The following MTFR1 variants were observed in gnomAD, a reference collection of about 807,000 sequenced individuals.
MTFR1 encodes mitochondrial fission regulator 1.
A neutral mutation model predicts 38.8 loss-of-function variants in MTFR1; 28 were observed. That is an observed-to-expected ratio of 0.72 (90% CI 0.53 to 0.99). MTFR1 has a LOEUF of 0.99. Among genes scored for constraint, MTFR1 ranks in the 50% least tolerant of loss-of-function variants. The pLI is 0.00. For synonymous variants in MTFR1, 145 were observed against 137.0 expected, an observed-to-expected ratio of 1.06 and a Z score of -0.41; for missense variants, 358 against 395.5, an observed-to-expected ratio of 0.91 and a Z score of 0.81.
At chr8:65,721,776 C>T (rs1354424077) in intron 3 of MTFR1, 7 of 149,160 alleles carry the variant, frequency 4.7e-5, no homozygotes, top group African/African-American at 1.2e-4. Flanking sequence ...CACCTGTCTT[C>T]GATTCAATTC....
intron 3 of MTFR1, among the ~76,000 whole-genome samples, chr8:65,739,829 G>A (rs761982759): frequency 7.9e-5 from 12 of 152,056 alleles, no homozygotes; most frequent in Non-Finnish European, 1.8e-4. Context: ...CCAAAGAACT[G>A]AAAACTAGAC....
At chr8:65,714,074 A>G (rs2129061449), downstream of MTFR1, among the ~76,000 whole-genome samples, 1 of 150,278 alleles carries the variant, frequency 6.7e-6, no homozygotes, top group African/African-American at 2.5e-5. Flanking sequence ...TAAACAACCC[A>G]ACACTACTGA....
rs1491461062 is a variant in MTFR1 at position 65,710,466 on chromosome 8, CAT to C, written c.*1425_*1426del. ...GAAACGTATTTTGACCTAAAAGAAACATATTTTTGTATCAGTATTGAATTTTG... is the reference window on the plus strand; with the variant it reads ...GAAACGTATTTTGACCTAAAAGAAACATTTTTGTATCAGTATTGAATTTTG... On this transcript the variant is annotated 3_prime_UTR_variant, in exon 8 of 8. Coordinates refer to ENST00000262146, the MANE Select transcript of MTFR1 (RefSeq NM_014637.4). 1 of 152,518 alleles carries C rather than the reference CAT, an allele frequency of 6.6e-6. No individual in the cohort carries two copies. Among genetic ancestry groups the C allele is most frequent in the Non-Finnish European group, 1.5e-5 (1 of 67,996 alleles). 9.4% of individuals were successfully genotyped at this position (152,518 alleles called of 1,614,324 possible). A position where few individuals can be genotyped will look rare whatever the true frequency, so the allele number is the denominator to read the frequency against.
At chr8:65,661,761 C>A (rs888269193) in intron 1 of MTFR1, among the ~76,000 whole-genome samples, 2 of 152,124 alleles carry the variant, frequency 1.3e-5, no homozygotes, top group East Asian at 3.9e-4. Flanking sequence ...GTCAGGAGTT[C>A]AAGACCAGCC....
chr8:65,689,189 A>G (rs1805196508), intron 3 of MTFR1, among the ~76,000 whole-genome samples: 1 of 152,226 alleles, frequency 6.6e-6, no homozygotes, highest in Admixed American at 6.5e-5. Flanking sequence ...GCATTTGGCT[A>G]TAAACAAATG....
intron 3 of MTFR1, among the ~76,000 whole-genome samples, chr8:65,730,177 T>C (rs375216469): frequency 0.21 from 21,980 of 106,922 alleles, 3,702 homozygotes; most frequent in African/African-American, 0.32. Context: ...ACTTCTTTTT[T>C]TTTTTTTTTT....
intron 3 of MTFR1, among the ~76,000 whole-genome samples, chr8:65,755,095 A>G (rs558373361): frequency 1.9e-3 from 267 of 142,476 alleles, no homozygotes; most frequent in Non-Finnish European, 2.3e-3. Flanking sequence ...GTTTCGGCTC[A>G]CTGTAACGTC....
At chr8:65,666,997 A>G (rs1022252) in intron 1 of MTFR1, among the ~76,000 whole-genome samples, 133,132 of 152,236 alleles carry the variant, frequency 0.87, 58,668 homozygotes, top group African/African-American at 0.97. Context: ...TTTTCCGGCC[A>G]GACGCGGTGG....
intron 3 of MTFR1, among the ~76,000 whole-genome samples, chr8:65,766,456 T>C (rs913777119): frequency 6.6e-6 from 1 of 152,218 alleles, no homozygotes; most frequent in African/African-American, 2.4e-5. Flanking sequence ...GTTATCTTTA[T>C]GGAGTTGAAT....
At chr8:65,767,234 T>G (rs1175269517) in intron 3 of MTFR1, among the ~76,000 whole-genome samples, 2 of 152,164 alleles carry the variant, frequency 1.3e-5, no homozygotes, top group Non-Finnish European at 2.9e-5. Context: ...CCTCAGATTT[T>G]TGTTACGTAA....
At chr8:65,697,171 G>A in intron 4 of MTFR1, among the ~76,000 whole-genome samples, 1 of 148,194 alleles carries the variant, frequency 6.7e-6, no homozygotes, top group East Asian at 2.0e-4. Flanking sequence ...TTTTAGTAGA[G>A]ACGGAGTTTC....
intron 7 of MTFR1, 174 bp downstream of exon 7, chr8:65,708,185 C>A: frequency 3.1e-6 from 4 of 1,275,558 alleles, no homozygotes; most frequent in South Asian, 1.3e-5. Context: ...AGGATGACAT[C>A]TTTGCTTAGC....
intron 3 of MTFR1, among the ~76,000 whole-genome samples, chr8:65,748,905 T>C (rs1328291459): frequency 6.6e-6 from 1 of 152,216 alleles, no homozygotes; most frequent in Non-Finnish European, 1.5e-5. Flanking sequence ...GGTATGCTAC[T>C]AGTAATTATC....
At chr8:65,752,370 A>G (rs1367760966) in intron 3 of MTFR1, among the ~76,000 whole-genome samples, 1 of 152,188 alleles carries the variant, frequency 6.6e-6, no homozygotes, top group Non-Finnish European at 1.5e-5. Flanking sequence ...ATTATCTCAC[A>G]GCAATATATT....
intron 3 of MTFR1, among the ~76,000 whole-genome samples, chr8:65,742,521 A>G (rs1388620559): frequency 6.6e-6 from 1 of 152,206 alleles, no homozygotes; most frequent in African/African-American, 2.4e-5. Flanking sequence ...TCTTCCCCCA[A>G]TATCAACTGG....
chr8:65,657,126 G>GC (rs1420830538), intron 1 of MTFR1, among the ~76,000 whole-genome samples: 5 of 151,042 alleles, frequency 3.3e-5, no homozygotes, highest in Admixed American at 6.6e-5. Context: ...TGATTCTCCT[G>GC]CCTCAGCCTC....
intron 3 of MTFR1, among the ~76,000 whole-genome samples, chr8:65,768,422 A>T (rs1211287101): frequency 6.6e-6 from 1 of 151,992 alleles, no homozygotes; most frequent in African/African-American, 2.4e-5. Flanking sequence ...GTCTCAGGAG[A>T]TCTCATGGTT....
chr8:65,691,683 T>C (rs1326463206), intron 3 of MTFR1, among the ~76,000 whole-genome samples: 1 of 152,136 alleles, frequency 6.6e-6, no homozygotes, highest in Non-Finnish European at 1.5e-5. Flanking sequence ...CGAGTCTTGC[T>C]CTGTCGCCCA....
At chr8:65,777,267 C>CG in the MTFR1 span, among the ~76,000 whole-genome samples, 6 of 150,378 alleles carry the variant, frequency 4.0e-5, no homozygotes, top group African/African-American at 1.2e-4. Context: ...TTAGTAGAGA[C>CG]GGGGTTTCTC....
Sources: gnomAD v4.1 joint callset for allele counts (sites outside exome capture counted in the v4.1 genomes callset) on GRCh38, gnomAD v4.1.1 for gene constraint, MANE v1.5 for transcripts, NCBI Gene and HGNC (gene_info 2026-07-23, HGNC 2026-07-21) for gene names.